The following PAPPA variants were observed in gnomAD, a reference collection of about 807,000 sequenced individuals.
The protein encoded by PAPPA is pappalysin 1.
PAPPA carries 60 observed loss-of-function variants against 164.0 expected under a neutral mutation model. That is an observed-to-expected ratio of 0.37 (90% CI 0.30 to 0.45). The LOEUF (loss-of-function observed/expected upper bound fraction) is 0.45. Among genes scored for constraint, PAPPA ranks in the 20% least tolerant of loss-of-function variants. The pLI is 1.00. For missense variants in PAPPA, 1,782 were observed against 2,087.3 expected (o/e 0.85, Z 2.85); for synonymous variants, 875 against 814.1 (o/e 1.07, Z -1.27).
intron 13 of PAPPA, among the ~76,000 whole-genome samples, chr9:116,340,138 T>C (rs1193702969): frequency 6.6e-6 from 1 of 152,218 alleles, no homozygotes; most frequent in Non-Finnish European, 1.5e-5. Flanking sequence ...ATTTTTTTCC[T>C]TCTTTTGTTA....
At position 116,154,155 on chromosome 9, in the gene PAPPA, C is replaced by CAGGGGGGGGG; in HGVS notation, c.-18_-17insAGGGGGGGGG. ...TGGCGGTGCAGGGGCGAAGGGGGGG[C>CAGGGGGGGGG]GGGGGGAACCGTCGGACATGCGGCT... On this transcript the variant is annotated 5_prime_UTR_variant, in exon 1 of 22. Coordinates refer to ENST00000328252, the MANE Select transcript of PAPPA (RefSeq NM_002581.5). This position sits in a 1 kb window ranked among gnomAD's most constrained non-coding sequence, Gnocchi z 5.2. The CAGGGGGGGGG allele has an allele frequency of 2.2e-6, 1 of 464,988 alleles. No homozygotes were observed. The highest frequency in any genetic ancestry group is 2.9e-6 in the Non-Finnish European group (1 of 345,718). The allele number at this position is 464,988 out of a possible 1,614,324, so 28.8% of individuals were successfully genotyped here.
At chr9:116,169,307 A>ATTT (rs1843748582) in intron 1 of PAPPA, among the ~76,000 whole-genome samples, 2 of 41,324 alleles carry the variant, frequency 4.8e-5, no homozygotes, top group African/African-American at 1.4e-4. Context: ...CTCCAAACCC[A>ATTT]TTCTTTTTTT....
intron 10 of PAPPA, among the ~76,000 whole-genome samples, chr9:116,305,050 T>C (rs909768866): frequency 6.7e-6 from 1 of 148,222 alleles, no homozygotes; most frequent in African/African-American, 2.5e-5. Flanking sequence ...CTAGAAGTCA[T>C]TCACAAACAC....
intron 10 of PAPPA, among the ~76,000 whole-genome samples, chr9:116,330,685 A>G (rs1311971276): frequency 6.6e-6 from 1 of 152,048 alleles, no homozygotes; most frequent in Non-Finnish European, 1.5e-5. Flanking sequence ...AAAAGCAAAT[A>G]CTAATGTTTT....
chr9:116,225,686 C>T (rs1158566936), intron 5 of PAPPA, among the ~76,000 whole-genome samples: 2 of 152,138 alleles, frequency 1.3e-5, no homozygotes, highest in Non-Finnish European at 2.9e-5. Flanking sequence ...AGTGTGCTTG[C>T]AAAATTTCCA....
chr9:116,305,134 GACACACACAC>G (rs57723920), intron 10 of PAPPA, among the ~76,000 whole-genome samples: 48 of 129,960 alleles, frequency 3.7e-4, no homozygotes, highest in African/African-American at 1.0e-3. Flanking sequence ...TGGGCACACA[GACACACACAC>G]ACACACACAC....
intron 15 of PAPPA, 134 bp from the exon 16 acceptor site, chr9:116,352,572 G>C (rs1846296676): frequency 2.8e-6 from 2 of 726,446 alleles, no homozygotes; most frequent in Non-Finnish European, 4.9e-6. Flanking sequence ...TCCTCAGTTG[G>C]AAGTAGAAGG....
chr9:116,184,477 C>T (rs1276225238), intron 1 of PAPPA, among the ~76,000 whole-genome samples: 2 of 152,070 alleles, frequency 1.3e-5, no homozygotes, highest in African/African-American at 2.4e-5. Context: ...CCGTCATTTC[C>T]TCCCTCCTTT....
chr9:116,332,204 T>C (rs895879337), intron 11 of PAPPA, 129 bp from the exon 12 acceptor site: 13 of 654,782 alleles, frequency 2.0e-5, no homozygotes, highest in Non-Finnish European at 3.4e-5. Flanking sequence ...CCTTCCCATC[T>C]TGGACCCCTG....
intron 1 of PAPPA, among the ~76,000 whole-genome samples, chr9:116,170,271 G>T (rs940411160): frequency 2.7e-4 from 41 of 152,260 alleles, no homozygotes; most frequent in Admixed American, 2.5e-3. Context: ...ATGTTGAGTT[G>T]TCATATCAGA....
At chr9:116,269,159 T>C (rs1845109055) in intron 8 of PAPPA, among the ~76,000 whole-genome samples, 1 of 152,202 alleles carries the variant, frequency 6.6e-6, no homozygotes, top group African/African-American at 2.4e-5. Context: ...TACATTATTG[T>C]CTCCTTGAGT....
At chr9:116,222,766 T>C (rs1179701617) in intron 5 of PAPPA, among the ~76,000 whole-genome samples, 1 of 152,170 alleles carries the variant, frequency 6.6e-6, no homozygotes, top group Non-Finnish European at 1.5e-5. Flanking sequence ...TAAGCTTTAG[T>C]GATCTGTTGC....
Position 116,352,721 on chromosome 9 carries a change from TGACCTGCATG to T in PAPPA, c.3983_3992del (p.Thr1328ArgfsTer83). ...TGTCTTCCAGGCAACAACAGCCTCC[TGACCTGCATG>T]GAGGATGGGCTGTGGTCCTTCCCAG... On this transcript the variant is annotated frameshift_variant, in exon 16 of 22. Transcript: ENST00000328252. LOFTEE classifies it high-confidence loss of function. The T allele has an allele frequency of 6.2e-7, 1 of 1,612,748 alleles. No individual in the cohort carries two copies. The highest frequency in any genetic ancestry group is 8.5e-7 in the Non-Finnish European group (1 of 1,179,864).
Position 116,352,725 on chromosome 9 carries a change from C to A in PAPPA, c.3984C>A (p.Thr1328=). The A allele has an allele frequency of 6.2e-7, 1 of 1,612,884 alleles. No individual in the cohort carries two copies. Among genetic ancestry groups the A allele is most frequent in the South Asian group, 1.1e-5 (1 of 91,018 alleles). ...TTCCAGGCAACAACAGCCTCCTGAC[C>A]TGCATGGAGGATGGGCTGTGGTCCT... The part of the protein sequence containing the change: ...AQLKGNNSLL[T]CMEDGLWSFP... Residue 1328 remains threonine, a synonymous_variant, in exon 16 of 22, where the codon ACC becomes ACA. Coordinates refer to ENST00000328252, the MANE Select transcript of PAPPA (RefSeq NM_002581.5).
intron 10 of PAPPA, among the ~76,000 whole-genome samples, chr9:116,322,841 T>G (rs1318101508): frequency 6.6e-6 from 1 of 152,154 alleles, no homozygotes; most frequent in Non-Finnish European, 1.5e-5. Context: ...TTATGGGTAC[T>G]GTTAGTGTCA....
At position 116,172,856 on chromosome 9, in the gene PAPPA, G is replaced by A. The variant is rs80311659; in HGVS notation, c.416-14298G>A. The stretch of plus-strand genomic sequence containing the variant: ...CCCTTAAAGATCCCTGGAGTCTTGA[G>A]TTTAAAATTTAGTTTGTACTATGCA... On this transcript the variant is annotated intron_variant, in intron 1 of 21. Transcript: ENST00000328252. Among the ~76,000 whole-genome samples, 1,601 of 152,278 alleles carry A rather than the reference G, an allele frequency of 0.011. 76 individuals are homozygous for A. The East Asian group carries it at 0.12, about 12-fold the overall frequency.
rs1004217657 is a variant in PAPPA, at chr9:116,211,511, G to A, written c.1625-128G>A. ...AGGTTGTAACAGCTCTCAGGGCAATGGAGTCCTAGGGTGGAGAAGCTTGTG... is the reference window on the plus strand; with the variant it reads ...AGGTTGTAACAGCTCTCAGGGCAATAGAGTCCTAGGGTGGAGAAGCTTGTG... On this transcript the variant is annotated intron_variant, in intron 3 of 21. Transcript: ENST00000328252. 1.9e-5 allele frequency: 14 copies of A among 719,726 alleles called. No homozygotes were observed. In the African/African-American group the frequency reaches 2.3e-4, roughly 12 times the overall value. The allele number at this position is 719,726 out of a possible 1,614,324, so 44.6% of individuals were successfully genotyped here.
At chr9:116,250,282 C>T (rs1844846072) in intron 7 of PAPPA, among the ~76,000 whole-genome samples, 1 of 152,178 alleles carries the variant, frequency 6.6e-6, no homozygotes, top group African/African-American at 2.4e-5. Flanking sequence ...CAAAGCAATG[C>T]CAGCTCCCCT....
At chr9:116,218,017 C>T (rs576882657) in intron 4 of PAPPA, among the ~76,000 whole-genome samples, 48 of 152,332 alleles carry the variant, frequency 3.2e-4, no homozygotes, top group African/African-American at 1.0e-3. Flanking sequence ...TGGCCCTTTT[C>T]GGTCTGAGGA....
Sources: gnomAD v4.1 joint callset for allele counts (sites outside exome capture counted in the v4.1 genomes callset) on GRCh38, gnomAD v4.1.1 for gene constraint, Gnocchi (gnomAD v3.1) non-coding constraint, MANE v1.5 for transcripts, NCBI Gene and HGNC (gene_info 2026-07-23, HGNC 2026-07-21) for gene names.